Variants in CDKL1 observed in about 807,000 individuals in gnomAD.
The protein encoded by CDKL1 is cyclin dependent kinase like 1.
In CDKL1, 41 loss-of-function variants were observed where a neutral mutation model predicts 42.0. That is an observed-to-expected ratio of 0.98 (90% CI 0.76 to 1.27). The LOEUF is 1.27. CDKL1 is among the 50% of genes most tolerant of loss of function. CDKL1 has a pLI of 0.00. For missense variants in CDKL1, 394 were observed against 428.4 expected (o/e 0.92, Z 0.71); for synonymous variants, 153 against 158.6 (o/e 0.96, Z 0.26).
chr14:50,380,772 G>GT (rs2139514913), intron 2 of CDKL1, among the ~76,000 whole-genome samples: 2 of 148,986 alleles, frequency 1.3e-5, no homozygotes, highest in South Asian at 4.3e-4. Flanking sequence ...TATTCTAGGA[G>GT]TCCAATGGCC....
At chr14:50,376,360 A>G (rs1473930688) in intron 2 of CDKL1, 1 of 471,212 alleles carries the variant, frequency 2.1e-6, no homozygotes, top group Non-Finnish European at 4.4e-6. Flanking sequence ...CTGAGAATAT[A>G]CTTTCCATAA....
intron 7 of CDKL1, among the ~76,000 whole-genome samples, chr14:50,337,760 G>A (rs548099800): frequency 2.8e-4 from 42 of 149,116 alleles, no homozygotes; most frequent in Admixed American, 8.8e-4. Flanking sequence ...AGGTCACTGC[G>A]GCCTCAACTT....
At position 50,359,157 on chromosome 14, in the gene CDKL1, C is replaced by A. The variant is rs1162179937; in HGVS notation, c.169-8G>T. 3 of 1,591,766 alleles carry A rather than the reference C, an allele frequency of 1.9e-6. No homozygotes were observed. The highest frequency in any genetic ancestry group is 3.5e-5 in the Admixed American group (2 of 56,724). On this transcript the variant is annotated splice_polypyrimidine_tract_variant and splice_region_variant and intron_variant, in intron 2 of 9. Coordinates refer to ENST00000395834, the MANE Select transcript of CDKL1 (RefSeq NM_004196.7). ...GTTGGGATGCTTGAGTTGCTGAAAA[C>A]ACAAAAAAACAAGTTACTAAATTTG...
chr14:50,396,997 C>T (rs555660213), upstream of CDKL1: 128 of 1,053,034 alleles, frequency 1.2e-4, no homozygotes, highest in Admixed American at 9.7e-4. Context: ...GCCCGGCCGC[C>T]CTCCCGGCTG....
intron 2 of CDKL1, among the ~76,000 whole-genome samples, chr14:50,391,841 T>C (rs557583272): frequency 6.6e-6 from 1 of 152,330 alleles, no homozygotes; most frequent in African/African-American, 2.4e-5. Context: ...TTCTCACTCG[T>C]ATAATAAAAA....
chr14:50,371,859 C>T (rs1023087757), intron 2 of CDKL1, among the ~76,000 whole-genome samples: 1 of 152,236 alleles, frequency 6.6e-6, no homozygotes, highest in Non-Finnish European at 1.5e-5. Flanking sequence ...TGACCTCTCC[C>T]CACTCCTGGT....
Position 50,380,796 on chromosome 14 carries a change from G to A in CDKL1, c.168+14905C>T, listed in dbSNP as rs1595363496. ...AGTCCAATGGCCTGGGGCATGCTGT[G>A]ACTTCCTTTTTTTTTTGGGACAGAG... On this transcript the variant is annotated intron_variant, in intron 2 of 9. Coordinates refer to ENST00000395834, the MANE Select transcript of CDKL1 (RefSeq NM_004196.7). 3.7e-5 allele frequency among the ~76,000 whole-genome samples: 3 copies of A among 80,008 alleles called. No homozygotes were observed. In the East Asian group the frequency reaches 1.7e-3, roughly 44 times the overall value. 52.5% of individuals were successfully genotyped at this position (80,008 alleles called of 152,430 possible).
At chr14:50,359,391 A>G (rs1289580811) in intron 2 of CDKL1, among the ~76,000 whole-genome samples, 11 of 152,044 alleles carry the variant, frequency 7.2e-5, no homozygotes, top group African/African-American at 2.7e-4. Flanking sequence ...GCCAGAAAAT[A>G]AAAAAGAATG....
rs2139332780 is a variant in CDKL1 at position 50,326,381 on chromosome 14, C to T, written c.*3693G>A. ...ATGTTTTTATTATAACAGTAATTTA[C>T]ATTTAACTTTAAAGTTAGTGAAGCA... On this transcript the variant is annotated 3_prime_UTR_variant, in exon 10 of 10. Transcript: ENST00000395834. 1.1e-6 allele frequency: 1 copy of T among 915,288 alleles called. No homozygotes were observed. Among genetic ancestry groups the T allele is most frequent in the Non-Finnish European group, 1.3e-6 (1 of 766,172 alleles). 56.7% of individuals were successfully genotyped at this position (915,288 alleles called of 1,614,324 possible).
intron 8 of CDKL1, chr14:50,334,305 C>A: frequency 3.4e-6 from 1 of 292,930 alleles, no homozygotes; most frequent in Non-Finnish European, 6.3e-6. Context: ...TACAGGCGAG[C>A]GCCACCACGC....
At position 50,332,315 on chromosome 14, in the gene CDKL1, T is replaced by G. The variant is rs1309332653; in HGVS notation, c.913A>C (p.Arg305=). 6.2e-7 allele frequency: 1 copy of G among 1,614,094 alleles called. No homozygotes were observed. The highest frequency in any genetic ancestry group is 1.7e-5 in the Admixed American group (1 of 60,004). Residue 305 remains arginine (R), a synonymous_variant, in exon 9 of 10, where the codon AGG becomes CGG. Transcript: ENST00000395834. ...TTTCGGCTCTTTCTTAGGGTCTTCC[T>G]TGTTGGTTTGTTGTGTTCTTTTGCC... ...DLAKEHNKPT[R]KTLRKSRKHH...
At chr14:50,374,025 G>A (rs1162649268) in intron 2 of CDKL1, among the ~76,000 whole-genome samples, 1 of 152,114 alleles carries the variant, frequency 6.6e-6, no homozygotes, top group Non-Finnish European at 1.5e-5. Flanking sequence ...AAGCAACCAA[G>A]TTGTCTTCCT....
intron 2 of CDKL1, 49 bp downstream of exon 2, chr14:50,395,652 G>T: frequency 7.5e-7 from 1 of 1,327,578 alleles, no homozygotes; most frequent in Non-Finnish European, 1.1e-6. Context: ...GGGAGACAGA[G>T]TGAAACCCTG....
intron 6 of CDKL1, 101 bp downstream of exon 6, chr14:50,340,931 G>A: frequency 8.1e-7 from 1 of 1,230,368 alleles, no homozygotes; most frequent in Admixed American, 2.3e-5. Context: ...CCTAACTAAT[G>A]CCTTAAAGGG....
chr14:50,358,895 C>G (rs2034149936), intron 3 of CDKL1, 133 bp downstream of exon 3: 3 of 807,120 alleles, frequency 3.7e-6, no homozygotes, highest in Non-Finnish European at 5.9e-6. Flanking sequence ...CCGTCTAGGC[C>G]TCCCAAAGTG....
intron 2 of CDKL1, among the ~76,000 whole-genome samples, chr14:50,377,368 G>A (rs1176085835): frequency 6.6e-6 from 1 of 152,154 alleles, no homozygotes; most frequent in African/African-American, 2.4e-5. Flanking sequence ...CCTTAAAGAG[G>A]CCTGGCAGGA....
chr14:50,392,882 C>CA (rs1487415359), intron 2 of CDKL1, among the ~76,000 whole-genome samples: 1 of 152,160 alleles, frequency 6.6e-6, no homozygotes, highest in Non-Finnish European at 1.5e-5. Context: ...GTCAATCAGT[C>CA]AAAAACCTTG....
chr14:50,355,001 TC>T (rs1219234951), intron 3 of CDKL1, among the ~76,000 whole-genome samples: 5 of 152,118 alleles, frequency 3.3e-5, no homozygotes, highest in Admixed American at 6.5e-5. Context: ...TTGTCTTTTT[TC>T]CCATCTATAT....
chr14:50,330,852 T>C (rs926526877), intron 9 of CDKL1: 2 of 152,260 alleles, frequency 1.3e-5, no homozygotes, highest in African/African-American at 4.8e-5. Flanking sequence ...TTTAGTACTT[T>C]TACTTTCTAG....
Sources: allele counts gnomAD v4.1 joint callset (sites outside exome capture counted in the v4.1 genomes callset), GRCh38; gene constraint gnomAD v4.1.1; transcripts MANE v1.5; gene names NCBI Gene and HGNC (gene_info 2026-07-23, HGNC 2026-07-21).